GGACT: variants seen among roughly 807,000 people sequenced by gnomAD.
The protein encoded by GGACT is gamma-glutamylaminecyclotransferase.
For missense variants in GGACT, 241 were observed against 233.2 expected (o/e 1.03, Z -0.22); for synonymous variants, 118 against 115.3 (o/e 1.02, Z -0.15).
At chr13:100,582,228 A>G (rs796174805) in intron 2 of GGACT, among the ~76,000 whole-genome samples, 4 of 152,290 alleles carry the variant, frequency 2.6e-5, no homozygotes, top group African/African-American at 9.6e-5. Context: ...GATTTGGGGC[A>G]ATAAATCTGA....
At chr13:100,572,021 CT>C (rs1282837761) in intron 2 of GGACT, among the ~76,000 whole-genome samples, 1 of 152,140 alleles carries the variant, frequency 6.6e-6, no homozygotes, top group East Asian at 1.9e-4. Context: ...GAAATTTAAC[CT>C]TTTGTGTGCA....
At position 100,545,058 on chromosome 13, in the gene GGACT, T is replaced by C. The variant is rs2088592628; in HGVS notation, c.-10-12457A>G. Among the ~76,000 whole-genome samples, 1 of 152,200 alleles carries C rather than the reference T, an allele frequency of 6.6e-6. No individual in the cohort carries two copies. ...AGGAGGCAGAGCCAGGAACACATGC[T>C]GGGCAGGCGGCCAGCGGCCCAACAC... On this transcript the variant is annotated intron_variant, in intron 2 of 2. Transcript: ENST00000683975. This position sits in a 1 kb window ranked among gnomAD's most constrained non-coding sequence, Gnocchi z 4.4.
rs187618180 is a variant in GGACT, at chr13:100,568,055, T to C, written c.-11+15770A>G. ...ATCGGGTTCCTTTTCAAAACCTCCC[T>C]GGAAGCCCCACACATTTCTGCTTAC... is the stretch of plus-strand genomic sequence containing the variant. On this transcript the variant is annotated intron_variant, in intron 2 of 2. Coordinates refer to ENST00000683975, the MANE Select transcript of GGACT (RefSeq NM_001195087.2). 1.5e-3 allele frequency among the ~76,000 whole-genome samples: 222 copies of C among 152,318 alleles called. 1 individual carries two copies. Among genetic ancestry groups the C allele is most frequent in the African/African-American group, 5.1e-3 (212 of 41,564 alleles).
intron 2 of GGACT, among the ~76,000 whole-genome samples, chr13:100,569,037 G>T (rs554576639): frequency 6.6e-6 from 1 of 152,250 alleles, no homozygotes; most frequent in Non-Finnish European, 1.5e-5. Context: ...CCGCCCCTAT[G>T]GCTTTGCAGG....
chr13:100,555,899 A>G (rs917516237), intron 2 of GGACT, among the ~76,000 whole-genome samples: 1 of 152,256 alleles, frequency 6.6e-6, no homozygotes, highest in African/African-American at 2.4e-5. Context: ...TGACGATCTC[A>G]ATAAATACAG....
chr13:100,573,892 A>AG (rs1875170914), intron 2 of GGACT, among the ~76,000 whole-genome samples: 3 of 138,312 alleles, frequency 2.2e-5, no homozygotes, highest in African/African-American at 8.5e-5. Context: ...GTCAAAAAAA[A>AG]AAAAAAAACA....
chr13:100,561,968 G>T (rs761909471), intron 2 of GGACT, among the ~76,000 whole-genome samples: 1 of 152,214 alleles, frequency 6.6e-6, no homozygotes, highest in East Asian at 1.9e-4. Flanking sequence ...CTGCTCAAAG[G>T]TCATGCGGCA....
At chr13:100,565,976 G>A (rs1268698490) in intron 2 of GGACT, among the ~76,000 whole-genome samples, 2 of 152,218 alleles carry the variant, frequency 1.3e-5, no homozygotes, top group Admixed American at 6.5e-5. Context: ...TACTGTGAAG[G>A]AAGCCAGCTG....
At chr13:100,568,490 G>C (rs749069016) in intron 2 of GGACT, among the ~76,000 whole-genome samples, 7 of 152,216 alleles carry the variant, frequency 4.6e-5, no homozygotes, top group African/African-American at 7.2e-5. Context: ...TCACTATCAC[G>C]AGAACAGGAT....
chr13:100,567,920 C>A (rs551470447), intron 2 of GGACT, among the ~76,000 whole-genome samples: 58 of 152,338 alleles, frequency 3.8e-4, no homozygotes, highest in African/African-American at 1.3e-3. Flanking sequence ...GTACCACCAT[C>A]TTCCCTCACA....
At position 100,588,742 on chromosome 13, in the gene GGACT, T is replaced by C. The variant is rs939332515; in HGVS notation, c.-185A>G. ...CCCCGCCCGGGCTCAGCGCCTCACC[T>C]GCCGGCAGCCGGGGCTGTCGGGGAG... On this transcript the variant is annotated splice_region_variant and 5_prime_UTR_variant, in exon 1 of 3. Coordinates refer to ENST00000683975, the MANE Select transcript of GGACT (RefSeq NM_001195087.2). 6.6e-6 allele frequency: 1 copy of C among 151,732 alleles called. No individual in the cohort carries two copies. The highest frequency in any genetic ancestry group is 3.4e-3 in the Middle Eastern group (1 of 292). The allele number at this position is 151,732 out of a possible 1,614,324, so 9.4% of individuals were successfully genotyped here.
intron 2 of GGACT, among the ~76,000 whole-genome samples, chr13:100,571,966 C>T (rs942775809): frequency 6.6e-5 from 10 of 152,104 alleles, no homozygotes; most frequent in Admixed American, 3.3e-4. Flanking sequence ...ATACAAAAAG[C>T]CATACACTAG....
At position 100,530,614 on chromosome 13, in the gene GGACT, T is replaced by A. The variant is rs138371276; in HGVS notation, c.*1516A>T. ...TTTTTCATCTGATTGCCTTACTACT[T>A]CTAGAAGTGAGGCCCTCACTCCTGG... On this transcript the variant is annotated 3_prime_UTR_variant, in exon 3 of 3. Coordinates refer to ENST00000683975, the MANE Select transcript of GGACT (RefSeq NM_001195087.2). 4.0e-5 allele frequency: 11 copies of A among 276,696 alleles called. No homozygotes were observed. Among genetic ancestry groups the A allele is most frequent in the Non-Finnish European group, 6.3e-5 (9 of 143,112 alleles). 17.1% of individuals were successfully genotyped at this position (276,696 alleles called of 1,614,324 possible).
At position 100,532,369 on chromosome 13, in the gene GGACT, G is replaced by A. The variant is rs2088415953; in HGVS notation, c.223C>T (p.Leu75=). ...CTCTCGAAGTCATCCAGAAAGCGCA[G>A]CATCCGCTCGTCTACCGCGTAGACC... ...GEVYAVDERM[L]RFLDDFESCP... is the part of the protein sequence containing the mutation. The change falls in exon 3 of 3, where the codon CTG becomes TTG. Residue 75 remains leucine, a synonymous_variant. Transcript: ENST00000683975. The A allele has an allele frequency of 6.4e-7, 1 of 1,550,490 alleles. No homozygotes were observed. Among genetic ancestry groups the A allele is most frequent in the African/African-American group, 1.4e-5 (1 of 73,044 alleles).
In GGACT at chr13:100,560,750, C is replaced by G. The variant is rs568271459; in HGVS notation, c.-11+23075G>C. 1.7e-3 allele frequency among the ~76,000 whole-genome samples: 262 copies of G among 152,358 alleles called. 2 individuals carry two copies. Among genetic ancestry groups the G allele is most frequent in the African/African-American group, 6.0e-3 (249 of 41,580 alleles). ...GGACATTTCCATTCCCTCACATAAT[C>G]TAGCTTTGTTTTTCTGACTCTTGGC... On this transcript the variant is annotated intron_variant, in intron 2 of 2. Transcript: ENST00000683975.
At chr13:100,571,193 T>C (rs1875072338) in intron 2 of GGACT, among the ~76,000 whole-genome samples, 1 of 152,208 alleles carries the variant, frequency 6.6e-6, no homozygotes, top group South Asian at 2.1e-4. Flanking sequence ...ACATGGGAAC[T>C]GGCACATGAG....
chr13:100,549,080 G>A (rs2088634307), intron 2 of GGACT, among the ~76,000 whole-genome samples: 1 of 152,236 alleles, frequency 6.6e-6, no homozygotes, highest in African/African-American at 2.4e-5. Flanking sequence ...AGGAGCAAGG[G>A]CTCGCGGCTG....
chr13:100,541,708 G>A (rs1047931072), intron 2 of GGACT: 1 of 152,194 alleles, frequency 6.6e-6, no homozygotes, highest in African/African-American at 2.4e-5. Flanking sequence ...AGAAATGAAG[G>A]TGATTAGGCC....
Position 100,532,462 on chromosome 13 carries a change from T to C in GGACT, c.130A>G (p.Ile44Val). The C allele has an allele frequency of 6.5e-7, 1 of 1,549,742 alleles. No homozygotes were observed. The highest frequency in any genetic ancestry group is 8.7e-7 in the Non-Finnish European group (1 of 1,146,626). The part of the protein sequence containing the change: ...GRTLEPYPLV[I>V]AGEHNIPWLL... ...CACGGGATGTTGTGCTCCCCCGCGA[T>C]CACCAACGGGTAGGGCTCCAGCGTG... Residue 44 changes from isoleucine (I) to valine (V), a missense_variant, in exon 3 of 3, where the codon ATC becomes GTC. By Grantham distance (29) the Ile-to-Val change is conservative. Transcript: ENST00000683975.
Sources: gnomAD v4.1 joint callset for allele counts (sites outside exome capture counted in the v4.1 genomes callset) on GRCh38, gnomAD v4.1.1 for gene constraint, Gnocchi (gnomAD v3.1) non-coding constraint, MANE v1.5 for transcripts, NCBI Gene and HGNC (gene_info 2026-07-23, HGNC 2026-07-21) for gene names.